The following USP15 variants were observed in gnomAD, a reference collection of about 807,000 sequenced individuals.
USP15 encodes ubiquitin carboxyl-terminal hydrolase 15.
In USP15, 18 loss-of-function variants were observed where a neutral mutation model predicts 127.1. That is an observed-to-expected ratio of 0.14 (90% CI 0.10 to 0.21). The LOEUF (loss-of-function observed/expected upper bound fraction) is 0.21, where lower values mean the gene tolerates loss of function less well. Among genes scored for constraint, USP15 ranks in the 10% least tolerant of loss-of-function variants. USP15 has a pLI of 1.00. For missense variants in USP15, 805 were observed against 1,159.9 expected, an observed-to-expected ratio of 0.69 and a Z score of 4.44; for synonymous variants, 364 against 393.7, an observed-to-expected ratio of 0.92 and a Z score of 0.89.
intron 6 of USP15, among the ~76,000 whole-genome samples, chr12:62,342,206 A>G (rs138810655): frequency 4.0e-5 from 6 of 151,710 alleles, no homozygotes; most frequent in African/African-American, 1.5e-4. Context: ...CGATTGAGCT[A>G]TTGATACTTC....
At chr12:62,318,400 C>T (rs796185964) in intron 4 of USP15, among the ~76,000 whole-genome samples, 4 of 152,260 alleles carry the variant, frequency 2.6e-5, no homozygotes, top group African/African-American at 9.6e-5. Flanking sequence ...CCTGACCTGC[C>T]AGCAAAGTAC....
At chr12:62,286,180 A>G (rs1407187995) in intron 1 of USP15, among the ~76,000 whole-genome samples, 1 of 152,176 alleles carries the variant, frequency 6.6e-6, no homozygotes, top group Non-Finnish European at 1.5e-5. Flanking sequence ...TCTATAAGGA[A>G]CTTAATAAGA....
intron 5 of USP15, 71 bp from the exon 6 acceptor site, chr12:62,325,801 C>T: frequency 3.9e-6 from 5 of 1,281,942 alleles, no homozygotes; most frequent in South Asian, 1.5e-5. Flanking sequence ...TTAGTTTATC[C>T]AGCTATCTTC....
intron 8 of USP15, among the ~76,000 whole-genome samples, chr12:62,378,679 G>A (rs984787791): frequency 6.6e-6 from 1 of 152,116 alleles, no homozygotes; most frequent in Admixed American, 6.5e-5. Flanking sequence ...ATAGTAGATT[G>A]AATGAAAAAT....
At chr12:62,320,977 C>A (rs1192194749) in intron 4 of USP15, among the ~76,000 whole-genome samples, 2 of 152,016 alleles carry the variant, frequency 1.3e-5, no homozygotes, top group Non-Finnish European at 2.9e-5. Flanking sequence ...TCCCTTCAAA[C>A]AAGGCACTTT....
chr12:62,350,800 A>G (rs1188047482), intron 7 of USP15, among the ~76,000 whole-genome samples: 1 of 151,970 alleles, frequency 6.6e-6, no homozygotes, highest in African/African-American at 2.4e-5. Flanking sequence ...TTTTCTTTTT[A>G]TTATTTTCAT....
At chr12:62,309,763 T>C (rs2064600516) in intron 3 of USP15, among the ~76,000 whole-genome samples, 1 of 151,938 alleles carries the variant, frequency 6.6e-6, no homozygotes, top group Non-Finnish European at 1.5e-5. Flanking sequence ...CATTCATAAT[T>C]TTAGCAGACT....
chr12:62,412,725 T>C lies in USP15; in HGVS notation c.*8350T>C, dbSNP rs1353817686. ...AAGATTGCAGCAATCCAGACACATC[T>C]TCAGGCTCCACTTGTAGTTCTCTTG... On this transcript the variant is annotated 3_prime_UTR_variant, in exon 22 of 22. Coordinates refer to ENST00000280377, the MANE Select transcript of USP15 (RefSeq NM_001252078.2). 6.6e-6 allele frequency: 1 copy of C among 152,214 alleles called. No homozygotes were observed. Among genetic ancestry groups the C allele is most frequent in the African/African-American group, 2.4e-5 (1 of 41,444 alleles). The allele number at this position is 152,214 out of a possible 1,614,324, so 9.4% of individuals were successfully genotyped here.
intron 8 of USP15, 38 bp from the exon 9 acceptor site, chr12:62,381,452 G>T: frequency 1.3e-6 from 2 of 1,519,824 alleles, no homozygotes; most frequent in South Asian, 2.6e-5. Flanking sequence ...AATTCATTAT[G>T]ATTACTTTTA....
At chr12:62,268,952 C>G (rs548912724) in intron 1 of USP15, among the ~76,000 whole-genome samples, 1 of 152,176 alleles carries the variant, frequency 6.6e-6, no homozygotes, top group East Asian at 1.9e-4. Flanking sequence ...TATTTTCTGT[C>G]TTTATATATT....
At chr12:62,292,543 G>C (rs2064002920) in intron 1 of USP15, among the ~76,000 whole-genome samples, 1 of 152,218 alleles carries the variant, frequency 6.6e-6, no homozygotes, top group African/African-American at 2.4e-5. Flanking sequence ...CATGGGAGCA[G>C]CAATTACTGT....
At chr12:62,366,669 T>A (rs2066486535) in intron 8 of USP15, among the ~76,000 whole-genome samples, 1 of 152,224 alleles carries the variant, frequency 6.6e-6, no homozygotes, top group African/African-American at 2.4e-5. Context: ...CCATTCAGTA[T>A]GATATTGGCT....
At chr12:62,345,443 C>G (rs1461910169) in intron 6 of USP15, among the ~76,000 whole-genome samples, 1 of 152,184 alleles carries the variant, frequency 6.6e-6, no homozygotes, top group African/African-American at 2.4e-5. Flanking sequence ...CAGCAAGTCT[C>G]TAGGAAGTTT....
chr12:62,341,895 C>G (rs2065658281), intron 6 of USP15, among the ~76,000 whole-genome samples: 1 of 152,030 alleles, frequency 6.6e-6, no homozygotes, highest in Non-Finnish European at 1.5e-5. Context: ...TAGTGGTGGT[C>G]TGTGTATTTC....
chr12:62,335,140 A>C, intron 6 of USP15: 1 of 1,534,448 alleles, frequency 6.5e-7, no homozygotes, highest in Non-Finnish European at 8.7e-7. Context: ...TGATATTCTT[A>C]GCACTTTTTT....
At chr12:62,301,474 C>T (rs2064318175) in intron 2 of USP15, among the ~76,000 whole-genome samples, 1 of 152,070 alleles carries the variant, frequency 6.6e-6, no homozygotes, top group Non-Finnish European at 1.5e-5. Context: ...CAAAATGTAG[C>T]ATATCCATAC....
At chr12:62,324,052 C>A (rs1455330032) in intron 5 of USP15, among the ~76,000 whole-genome samples, 2 of 150,930 alleles carry the variant, frequency 1.3e-5, no homozygotes, top group African/African-American at 4.9e-5. Context: ...GAAAATAAAA[C>A]AAAGACATAT....
At chr12:62,277,706 GAAA>G (rs34969185) in intron 1 of USP15, 4 of 149,818 alleles carry the variant, frequency 2.7e-5, no homozygotes, top group Admixed American at 2.0e-4. Context: ...GATGATAAGC[GAAA>G]AAAAAAATCA....
intron 6 of USP15, among the ~76,000 whole-genome samples, chr12:62,334,969 A>G (rs988256170): frequency 2.0e-5 from 3 of 152,142 alleles, no homozygotes; most frequent in Admixed American, 1.3e-4. Flanking sequence ...ACAAACTTCC[A>G]TTTGTCAGGA....
Sources: gnomAD v4.1 joint callset for allele counts (sites outside exome capture counted in the v4.1 genomes callset) on GRCh38, gnomAD v4.1.1 for gene constraint, MANE v1.5 for transcripts, NCBI Gene and HGNC (gene_info 2026-07-23, HGNC 2026-07-21) for gene names.